Variants in TIAM1 observed in about 807,000 individuals in gnomAD.
The protein encoded by TIAM1 is TIAM Rac1 associated GEF 1.
TIAM1 carries 65 observed loss-of-function variants against 163.5 expected under a neutral mutation model. The observed-to-expected ratio is 0.40, with a 90% CI of 0.33 to 0.49. TIAM1 has a LOEUF of 0.49. Ranked by LOEUF, TIAM1 falls within the 20% of genes least tolerant of loss-of-function variation. The pLI is 0.77. For missense variants in TIAM1, 1,789 were observed against 2,044.7 expected (o/e 0.87, Z 2.41); for synonymous variants, 833 against 810.1 (o/e 1.03, Z -0.48).
At chr21:31,298,166 C>T (rs1007884425) in intron 2 of TIAM1, among the ~76,000 whole-genome samples, 4 of 152,106 alleles carry the variant, frequency 2.6e-5, no homozygotes, top group Admixed American at 1.3e-4. Context: ...TCCTTCCAAA[C>T]CTGCAGTGCC....
intron 2 of TIAM1, among the ~76,000 whole-genome samples, chr21:31,423,814 T>C (rs1351884222): frequency 1.8e-5 from 2 of 113,616 alleles, no homozygotes; most frequent in Non-Finnish European, 3.3e-5. Context: ...ACGTCCGGAA[T>C]AGGCAAGGCC....
intron 2 of TIAM1, among the ~76,000 whole-genome samples, chr21:31,459,005 G>A (rs1396373256): frequency 1.3e-5 from 2 of 152,144 alleles, no homozygotes; most frequent in Non-Finnish European, 2.9e-5. Context: ...AGAGAGGCGG[G>A]GCCAAATCCC....
At chr21:31,398,158 C>CAAAA (rs34895602) in intron 2 of TIAM1, among the ~76,000 whole-genome samples, 11 of 52,478 alleles carry the variant, frequency 2.1e-4, no homozygotes, top group Non-Finnish European at 2.7e-4. Flanking sequence ...ATCTTCAGGG[C>CAAAA]AAAAAAAAAA....
intron 2 of TIAM1, among the ~76,000 whole-genome samples, chr21:31,331,162 T>C (rs367664676): frequency 2.0e-5 from 3 of 152,166 alleles, no homozygotes; most frequent in East Asian, 3.8e-4. Context: ...TTCAACCAAG[T>C]AGTCAACGAA....
chr21:31,308,077 C>T (rs1446940185), intron 2 of TIAM1, among the ~76,000 whole-genome samples: 1 of 152,096 alleles, frequency 6.6e-6, no homozygotes, highest in Non-Finnish European at 1.5e-5. Context: ...ATGGCAAAAC[C>T]TCATCTCTAC....
intron 15 of TIAM1, among the ~76,000 whole-genome samples, chr21:31,172,309 T>G (rs754479506): frequency 7.2e-5 from 11 of 151,968 alleles, no homozygotes; most frequent in African/African-American, 1.5e-4. Flanking sequence ...TTGTTTGTTT[T>G]TTTTTTAATC....
chr21:31,546,611 G>A (rs892151429), intron 1 of TIAM1, among the ~76,000 whole-genome samples: 17 of 147,004 alleles, frequency 1.2e-4, no homozygotes, highest in Non-Finnish European at 2.2e-4. Flanking sequence ...GAGAAAAATG[G>A]AGAAGGGTGG....
At chr21:31,552,128 GCTCACTGCAACCTCCA>G (rs1202564036) in intron 1 of TIAM1, among the ~76,000 whole-genome samples, 2 of 138,648 alleles carry the variant, frequency 1.4e-5, no homozygotes, top group Non-Finnish European at 3.0e-5. Flanking sequence ...CGTGATCTCG[GCTCACTGCAACCTCCA>G]CCTCCCAGGT....
chr21:31,330,791 T>C (rs1424844395), intron 2 of TIAM1, among the ~76,000 whole-genome samples: 2 of 152,204 alleles, frequency 1.3e-5, no homozygotes, highest in Non-Finnish European at 2.9e-5. Flanking sequence ...AGAGACAAAA[T>C]AGACTTCATA....
In TIAM1 at chr21:31,228,224, A is replaced by T. The variant is rs1569068579; in HGVS notation, c.1585-2274T>A. On this transcript the variant is annotated intron_variant, in intron 6 of 27. Coordinates refer to ENST00000541036, the MANE Select transcript of TIAM1 (RefSeq NM_001353694.2). ...CCATGCCCGGCCTCCTTTTTTTAAA[A>T]AAAAAAAAAAAAAAAAAAAAAAAAA... is the stretch of plus-strand genomic sequence containing the variant. Among the ~76,000 whole-genome samples the T allele has an allele frequency of 4.5e-3, 347 of 77,550 alleles. 12 individuals carry two copies. The highest frequency in any genetic ancestry group is 0.017 in the East Asian group (52 of 3,052). The allele number at this position is 77,550 out of a possible 152,430, so 50.9% of individuals were successfully genotyped here.
chr21:31,197,406 C>T (rs1441803828), intron 12 of TIAM1, among the ~76,000 whole-genome samples: 3 of 147,558 alleles, frequency 2.0e-5, no homozygotes, highest in African/African-American at 2.5e-5. Context: ...GACGGAGTCT[C>T]GCTCTGTCGC....
chr21:31,491,643 C>T (rs1376692242), intron 1 of TIAM1, among the ~76,000 whole-genome samples: 1 of 152,198 alleles, frequency 6.6e-6, no homozygotes, highest in East Asian at 1.9e-4. Flanking sequence ...AAAATTGATG[C>T]TTTGTGGCCA....
chr21:31,138,701 G>A (rs930447093), intron 22 of TIAM1, among the ~76,000 whole-genome samples: 2 of 152,092 alleles, frequency 1.3e-5, no homozygotes, highest in African/African-American at 4.8e-5. Flanking sequence ...TTGTTCTTAC[G>A]GCATTGAGGC....
chr21:31,553,799 T>C (rs2048775948), intron 1 of TIAM1, among the ~76,000 whole-genome samples: 1 of 152,044 alleles, frequency 6.6e-6, no homozygotes, highest in African/African-American at 2.4e-5. Flanking sequence ...ATTGTCCCGA[T>C]CCCACCTTCC....
intron 23 of TIAM1, among the ~76,000 whole-genome samples, chr21:31,134,465 C>A (rs1469639494): frequency 6.6e-6 from 1 of 152,160 alleles, no homozygotes; most frequent in Non-Finnish European, 1.5e-5. Context: ...CCCAATATTC[C>A]TTTGAATGGC....
intron 6 of TIAM1, among the ~76,000 whole-genome samples, chr21:31,237,182 C>T (rs573686515): frequency 6.6e-6 from 1 of 152,290 alleles, no homozygotes; most frequent in Admixed American, 6.5e-5. Flanking sequence ...CTTGCAGGGA[C>T]CATACCTCCT....
chr21:31,340,718 C>A (rs549107090), intron 1 of TIAM1, among the ~76,000 whole-genome samples: 1 of 152,146 alleles, frequency 6.6e-6, no homozygotes, highest in East Asian at 1.9e-4. Flanking sequence ...TTCATAGAAG[C>A]AACCCACTAA....
intron 2 of TIAM1, among the ~76,000 whole-genome samples, chr21:31,420,603 G>T (rs7280668): frequency 0.13 from 19,255 of 152,126 alleles, 1,860 homozygotes; most frequent in African/African-American, 0.26. Flanking sequence ...GTTTTACTGT[G>T]GTCTACATCA....
rs2077060326 is a variant in TIAM1, at chr21:31,395,922, T to C, written c.-368-56500A>G. On this transcript the variant is annotated intron_variant, in intron 2 of 28. Coordinates refer to the TIAM1 transcript ENST00000286827. The surrounding 1 kb of genome is among the most constrained non-coding windows in gnomAD (Gnocchi z 7.5). ...AAACAAAATAAGGCTGTCTAGCAAA[T>C]GAGGGCATCATTCTTCCTCTAGATT... 6.6e-6 allele frequency among the ~76,000 whole-genome samples: 1 copy of C among 152,060 alleles called. No homozygotes were observed. The highest frequency in any genetic ancestry group is 1.5e-5 in the Non-Finnish European group (1 of 67,990).
Sources: allele counts gnomAD v4.1 joint callset (sites outside exome capture counted in the v4.1 genomes callset), GRCh38; gene constraint gnomAD v4.1.1; non-coding constraint Gnocchi (gnomAD v3.1); transcripts MANE v1.5; gene names NCBI Gene and HGNC (gene_info 2026-07-23, HGNC 2026-07-21).